DNAAF6: variants seen among roughly 807,000 people sequenced by gnomAD.
DNAAF6 encodes the protein dynein axonemal assembly factor 6.
DNAAF6 carries 3 observed loss-of-function variants against 13.7 expected under a neutral mutation model. That is an observed-to-expected ratio of 0.22 (90% CI 0.10 to 0.56). The LOEUF (loss-of-function observed/expected upper bound fraction) is 0.56, where lower values mean the gene tolerates loss of function less well. Among genes scored for constraint, DNAAF6 ranks in the 20% least tolerant of loss-of-function variants. The pLI, the probability that DNAAF6 is intolerant of heterozygous loss-of-function variation, is 0.92. For synonymous variants in DNAAF6, 54 were observed against 49.2 expected, an observed-to-expected ratio of 1.10 and a Z score of -0.41; for missense variants, 130 against 151.0, an observed-to-expected ratio of 0.86 and a Z score of 0.73.
chrX:107,223,711 T>C (rs1240599932), intron 5 of DNAAF6, among the ~76,000 whole-genome samples: 1 of 111,620 alleles, frequency 9.0e-6, no homozygotes, highest in African/African-American at 3.2e-5. Flanking sequence ...AAATGATAAA[T>C]GGAATTTCTC....
At chrX:107,213,399 A>G (rs897895504) in intron 2 of DNAAF6, among the ~76,000 whole-genome samples, 12 of 112,316 alleles carry the variant, frequency 1.1e-4, no homozygotes, top group Non-Finnish European at 2.1e-4. Context: ...TCAGTTATAC[A>G]GTATTAATTG....
intron 3 of DNAAF6, 34 bp from the exon 4 acceptor site, chrX:107,218,830 A>G: frequency 8.6e-7 from 1 of 1,157,274 alleles, no homozygotes; most frequent in Non-Finnish European, 1.2e-6. Context: ...GGAAAAAAGC[A>G]TGAGCTTCAG....
chrX:107,211,201 G>T, intron 1 of DNAAF6, among the ~76,000 whole-genome samples: 1 of 111,688 alleles, frequency 9.0e-6, no homozygotes, highest in Non-Finnish European at 1.9e-5. Flanking sequence ...AATTTTGAAT[G>T]TTTTTTTCTA....
At chrX:107,207,660 G>A (rs188768195) in intron 1 of DNAAF6, among the ~76,000 whole-genome samples, 3 of 112,133 alleles carry the variant, frequency 2.7e-5, no homozygotes, top group Non-Finnish European at 5.6e-5. Flanking sequence ...GGCCGAGCGC[G>A]GTGGCTCCCG....
chrX:107,224,005 C>T (rs1257501385), intron 5 of DNAAF6, among the ~76,000 whole-genome samples: 1 of 111,222 alleles, frequency 9.0e-6, no homozygotes, highest in Non-Finnish European at 1.9e-5. Flanking sequence ...AAAACTGTTG[C>T]AAGCCTTACA....
At chrX:107,242,565 C>G (rs757687656) in intron 6 of DNAAF6, among the ~76,000 whole-genome samples, 1 of 112,728 alleles carries the variant, frequency 8.9e-6, no homozygotes, top group African/African-American at 3.2e-5. Flanking sequence ...AGCAATGCAT[C>G]TAAAGCATAA....
intron 5 of DNAAF6, among the ~76,000 whole-genome samples, chrX:107,236,937 G>A (rs1928527079): frequency 9.0e-6 from 1 of 111,527 alleles, no homozygotes; most frequent in Non-Finnish European, 1.9e-5. Context: ...TTACTTTGAG[G>A]CAGAGCACCT....
At chrX:107,212,812 C>A in intron 1 of DNAAF6, 61 bp from the exon 2 acceptor site, 1 of 1,069,747 alleles carries the variant, frequency 9.3e-7, no homozygotes, top group Non-Finnish European at 1.2e-6. Flanking sequence ...AATAAAACAT[C>A]TTCATGTCTT....
intron 5 of DNAAF6, among the ~76,000 whole-genome samples, chrX:107,231,969 C>T (rs1928411230): frequency 9.0e-6 from 1 of 111,377 alleles, no homozygotes; most frequent in East Asian, 2.8e-4. Context: ...GCGATTCTCC[C>T]ACCTCAGCTT....
chrX:107,213,251 T>G (rs189491936), intron 2 of DNAAF6, among the ~76,000 whole-genome samples: 91 of 112,314 alleles, frequency 8.1e-4, no homozygotes, highest in Admixed American at 8.5e-4. Context: ...AGGAAAATAG[T>G]TCTGTAACTG....
At chrX:107,232,931 G>A (rs964082130) in intron 5 of DNAAF6, among the ~76,000 whole-genome samples, 1 of 110,104 alleles carries the variant, frequency 9.1e-6, no homozygotes, top group African/African-American at 3.3e-5. Context: ...TTGTAGAGAC[G>A]GGGTTTCGCC....
At chrX:107,216,815 T>C in intron 3 of DNAAF6, 72 bp downstream of exon 3, 2 of 715,766 alleles carry the variant, frequency 2.8e-6, no homozygotes, top group Non-Finnish European at 4.1e-6. Flanking sequence ...GGGAGAGTAA[T>C]AAGTACTAAT....
intron 1 of DNAAF6, among the ~76,000 whole-genome samples, chrX:107,209,113 A>G (rs968749934): frequency 9.0e-6 from 1 of 111,280 alleles, no homozygotes; most frequent in Non-Finnish European, 1.9e-5. Flanking sequence ...TATAGTTATC[A>G]AAAAATGCAA....
chrX:107,240,082 A>T (rs941999125), intron 6 of DNAAF6, among the ~76,000 whole-genome samples: 1 of 112,191 alleles, frequency 8.9e-6, no homozygotes, highest in Non-Finnish European at 1.9e-5. Flanking sequence ...GTGGATTCTG[A>T]TGGATATCTG....
intron 5 of DNAAF6, among the ~76,000 whole-genome samples, chrX:107,223,428 T>C (rs1440732407): frequency 8.9e-6 from 1 of 111,784 alleles, no homozygotes; most frequent in Non-Finnish European, 1.9e-5. Context: ...CAGGTCACTG[T>C]TTCTGTATAA....
intron 5 of DNAAF6, among the ~76,000 whole-genome samples, chrX:107,236,149 A>C (rs1414085736): frequency 9.0e-6 from 1 of 111,429 alleles, no homozygotes; most frequent in Non-Finnish European, 1.9e-5. Flanking sequence ...TAAACAGTTA[A>C]TTTTTAAAAA....
intron 5 of DNAAF6, among the ~76,000 whole-genome samples, chrX:107,227,375 G>A (rs1293387279): frequency 8.9e-6 from 1 of 111,836 alleles, no homozygotes; most frequent in Non-Finnish European, 1.9e-5. Flanking sequence ...CAGCCGTGAG[G>A]CACCGTGCCT....
chrX:107,221,677 CCT>C (rs1175236205), intron 4 of DNAAF6, among the ~76,000 whole-genome samples: 2 of 111,468 alleles, frequency 1.8e-5, no homozygotes, highest in Admixed American at 1.9e-4. Flanking sequence ...ATAGATCAAT[CCT>C]CTGTTTGTTT....
rs142028439 is a variant in DNAAF6 at position 107,219,068 on chromosome X, C to T, written c.332+99C>T. 1.4e-3 allele frequency: 1,335 copies of T among 974,518 alleles called. 12 individuals are homozygous for T. In the African/African-American group the frequency reaches 0.023, roughly 17 times the overall value. 80.3% of individuals were successfully genotyped at this position (974,518 alleles called of 1,213,427 possible). On this transcript the variant is annotated intron_variant, in intron 4 of 6. Transcript: ENST00000372453. Reference sequence around the variant, plus strand: ...ACAAGATTCATAAAGTAACATACCACATAAAAGATAAAACTACAGTGACAC... The same window carrying T: ...ACAAGATTCATAAAGTAACATACCATATAAAAGATAAAACTACAGTGACAC...
Sources: allele counts gnomAD v4.1 joint callset (sites outside exome capture counted in the v4.1 genomes callset), GRCh38; gene constraint gnomAD v4.1.1; transcripts MANE v1.5; gene names NCBI Gene and HGNC (gene_info 2026-07-23, HGNC 2026-07-21).